DUOXA1: variants seen among roughly 807,000 people sequenced by gnomAD.
The protein encoded by DUOXA1 is dual oxidase maturation factor 1.
Under a neutral mutation model 26.6 loss-of-function variants are expected in DUOXA1, and 19 were observed. That is an observed-to-expected ratio of 0.71 (90% CI 0.50 to 1.05). The LOEUF (loss-of-function observed/expected upper bound fraction) is 1.05, where lower values mean the gene tolerates loss of function less well. Among genes scored for constraint, DUOXA1 ranks in the 50% least tolerant of loss-of-function variants. The probability of loss-of-function intolerance (pLI) is 0.00; values close to 1 mark genes in which losing one functional copy is unlikely to be tolerated. For missense variants in DUOXA1, 403 were observed against 427.5 expected (o/e 0.94, Z 0.51); for synonymous variants, 166 against 177.0 (o/e 0.94, Z 0.49).
chr15:45,120,118 T>G lies in DUOXA1; in HGVS notation c.757A>C (p.Ile253Leu). Residue 253 changes from isoleucine (I) to leucine (L), a missense_variant, in exon 8 of 9, where the codon ATC (isoleucine) becomes CTC (leucine). Physicochemically the swap from Ile to Leu is conservative, Grantham distance 5. Coordinates refer to ENST00000560572, the MANE Select transcript of DUOXA1 (RefSeq NM_001276266.2). ...TGGGTCTTACCTGTGGTCAATGTGATCCAGAAGGCAGGCCCATGGTGAGTA... is the reference window on the plus strand; with the variant it reads ...TGGGTCTTACCTGTGGTCAATGTGAGCCAGAAGGCAGGCCCATGGTGAGTA... ...LHTHHGPAFWITLTTGLLCVL... is the reference protein window; with the variant it reads ...LHTHHGPAFWLTLTTGLLCVL... 6.2e-7 allele frequency: 1 copy of G among 1,613,876 alleles called. No individual in the cohort carries two copies. Among genetic ancestry groups the G allele is most frequent in the Non-Finnish European group, 8.5e-7 (1 of 1,179,986 alleles).
At chr15:45,128,672 C>T (rs1354037724) in intron 3 of DUOXA1, among the ~76,000 whole-genome samples, 2 of 152,150 alleles carry the variant, frequency 1.3e-5, no homozygotes, top group African/African-American at 4.8e-5. Context: ...GGATTGGAGG[C>T]AGGATTCCCC....
Position 45,122,255 on chromosome 15 carries a change from G to A in DUOXA1, c.148-13C>T, listed in dbSNP as rs906504807. On this transcript the variant is annotated splice_polypyrimidine_tract_variant and intron_variant, in intron 4 of 8. Coordinates refer to ENST00000560572, the MANE Select transcript of DUOXA1 (RefSeq NM_001276266.2). ...GCCAGAACAGCCTCTGAGTCACAAG[G>A]TAGGTGGGTTAAGTAAAGAGTGCCT... 5.0e-6 allele frequency: 8 copies of A among 1,598,534 alleles called. No homozygotes were observed. Among genetic ancestry groups the A allele is most frequent in the Non-Finnish European group, 6.8e-6 (8 of 1,172,086 alleles).
Position 45,128,134 on chromosome 15 carries a change from A to G in DUOXA1, c.-30+884T>C, listed in dbSNP as rs76982749. ...TATGCTCAATCTTATTATAGACACA[A>G]TTACCCAATCCTTACCTACCACAGG... On this transcript the variant is annotated intron_variant, in intron 3 of 8. Coordinates refer to ENST00000560572, the MANE Select transcript of DUOXA1 (RefSeq NM_001276266.2). 2.7e-3 allele frequency among the ~76,000 whole-genome samples: 408 copies of G among 152,276 alleles called. 3 individuals carry two copies. The highest frequency in any genetic ancestry group is 9.3e-3 in the African/African-American group (386 of 41,554).
Position 45,118,540 on chromosome 15 carries a change from T to C in DUOXA1, c.*566A>G, listed in dbSNP as rs1894845499. On this transcript the variant is annotated 3_prime_UTR_variant, in exon 9 of 9. Coordinates refer to ENST00000560572, the MANE Select transcript of DUOXA1 (RefSeq NM_001276266.2). ...GTCTTGCAATCTTATGTAGCAAATT[T>C]GGGAACTGAAGCTCAAAGAGAATGT... The C allele has an allele frequency of 1.0e-6, 1 of 992,472 alleles. No individual in the cohort carries two copies. The highest frequency in any genetic ancestry group is 5.9e-5 in the Admixed American group (1 of 16,940). The allele number at this position is 992,472 out of a possible 1,614,324, so 61.5% of individuals were successfully genotyped here. A position where few individuals can be genotyped will look rare whatever the true frequency, so the allele number is the denominator to read the frequency against.
intron 3 of DUOXA1, among the ~76,000 whole-genome samples, chr15:45,123,666 C>T (rs140423728): frequency 7.2e-5 from 11 of 152,346 alleles, no homozygotes; most frequent in African/African-American, 2.4e-4. Context: ...CTGAGTTCAC[C>T]TAAATAAGCA....
At position 45,121,820 on chromosome 15, in the gene DUOXA1, C is replaced by G. The variant is rs572532991; in HGVS notation, c.205+365G>C. Reference sequence around the variant, plus strand: ...GCATGAGCCACTGTGCCCGGCCTCACGGAGACTTTCATCTCTCCTATTTGC... The same window carrying G: ...GCATGAGCCACTGTGCCCGGCCTCAGGGAGACTTTCATCTCTCCTATTTGC... On this transcript the variant is annotated intron_variant, in intron 5 of 8. Coordinates refer to ENST00000560572, the MANE Select transcript of DUOXA1 (RefSeq NM_001276266.2). Among the ~76,000 whole-genome samples, 4 of 152,322 alleles carry G rather than the reference C, an allele frequency of 2.6e-5. No individual in the cohort carries two copies. The East Asian group carries it at 5.8e-4, about 22-fold the overall frequency.
intron 6 of DUOXA1, 49 bp from the exon 7 acceptor site, chr15:45,120,854 G>C (rs1895129907): frequency 6.3e-7 from 1 of 1,598,602 alleles, no homozygotes; most frequent in Non-Finnish European, 8.6e-7. Flanking sequence ...GGCCAGAGTG[G>C]GGCCTAGGTA....
At position 45,120,107 on chromosome 15, in the gene DUOXA1, G is replaced by T. The variant is rs1895028430; in HGVS notation, c.768C>A (p.Thr256=). 3.1e-6 allele frequency: 5 copies of T among 1,613,696 alleles called. No individual in the cohort carries two copies. The highest frequency in any genetic ancestry group is 4.2e-6 in the Non-Finnish European group (5 of 1,179,982). Residue 256 remains threonine, a synonymous_variant, in exon 8 of 9, where the codon ACC becomes ACA. Coordinates refer to ENST00000560572, the MANE Select transcript of DUOXA1 (RefSeq NM_001276266.2). ...GTCTTTAGGGCTGGGTCTTACCTGT[G>T]GTCAATGTGATCCAGAAGGCAGGCC... ...HHGPAFWITL[T]TGLLCVLLGL...
At chr15:45,123,757 C>T (rs972935828) in intron 3 of DUOXA1, among the ~76,000 whole-genome samples, 1 of 152,240 alleles carries the variant, frequency 6.6e-6, no homozygotes, top group Non-Finnish European at 1.5e-5. Flanking sequence ...AATGGCCCTT[C>T]TCTTTGATTC....
intron 3 of DUOXA1, 78 bp downstream of exon 3, chr15:45,128,940 C>T (rs1042329663): frequency 6.6e-6 from 1 of 152,162 alleles, no homozygotes; most frequent in African/African-American, 2.4e-5. Context: ...CTTCAAGACC[C>T]CCTCCAAAAT....
At chr15:45,122,765 C>A in intron 4 of DUOXA1, 103 bp downstream of exon 4, 1 of 1,403,398 alleles carries the variant, frequency 7.1e-7, no homozygotes, top group South Asian at 1.5e-5. Context: ...TTTCTCCGCA[C>A]TGGGGTCTCC....
Position 45,121,100 on chromosome 15 carries a change from G to A in DUOXA1, c.327C>T (p.Asn109=), listed in dbSNP as rs937653467. Residue 109 remains asparagine (N), a synonymous_variant, in exon 6 of 9, where the codon AAC becomes AAT. Transcript: ENST00000560572. The part of the protein sequence containing the change: ...IGLQVGLGGV[N]ITLTGTPVQQ... ...GCCCTCCCTCACCTGTGAGTGTGATGTTGACTCCACCCAGCCCGACCTGCA... is the reference window on the plus strand; with the variant it reads ...GCCCTCCCTCACCTGTGAGTGTGATATTGACTCCACCCAGCCCGACCTGCA... 1 of 1,614,150 alleles carries A rather than the reference G, an allele frequency of 6.2e-7. No homozygotes were observed. The highest frequency in any genetic ancestry group is 8.5e-7 in the Non-Finnish European group (1 of 1,180,014).
chr15:45,120,083 T>G lies in DUOXA1; in HGVS notation c.772+20A>C. The G allele has an allele frequency of 6.2e-7, 1 of 1,613,278 alleles. No homozygotes were observed. Among genetic ancestry groups the G allele is most frequent in the Non-Finnish European group, 8.5e-7 (1 of 1,179,774 alleles). On this transcript the variant is annotated intron_variant, in intron 8 of 8. Transcript: ENST00000560572. ...CTGGCCTTGAGACTTCTAGTGCTTG[T>G]CTTTAGGGCTGGGTCTTACCTGTGG...
In DUOXA1 at chr15:45,118,368, C is replaced by G; in HGVS notation, c.*738G>C. 2 of 1,122,706 alleles carry G rather than the reference C, an allele frequency of 1.8e-6. No homozygotes were observed. Among genetic ancestry groups the G allele is most frequent in the Non-Finnish European group, 2.2e-6 (2 of 916,846 alleles). The allele number at this position is 1,122,706 out of a possible 1,614,324, so 69.5% of individuals were successfully genotyped here. On this transcript the variant is annotated 3_prime_UTR_variant, in exon 9 of 9. Coordinates refer to ENST00000560572, the MANE Select transcript of DUOXA1 (RefSeq NM_001276266.2). ...CCACTCCCCCGTCCTGGATGCCACT[C>G]AGCTAGCCCAGCTGAGTGGGGTGGG...
chr15:45,121,060 C>T, intron 6 of DUOXA1, 27 bp downstream of exon 6: 2 of 1,613,820 alleles, frequency 1.2e-6, no homozygotes, highest in Non-Finnish European at 1.7e-6. Flanking sequence ...GCCTTCCCCC[C>T]CACCACAGGT....
At chr15:45,125,422 T>G (rs147985771) in intron 3 of DUOXA1, among the ~76,000 whole-genome samples, 85 of 152,302 alleles carry the variant, frequency 5.6e-4, no homozygotes, top group African/African-American at 1.9e-3. Context: ...TCCCTTGATC[T>G]TCTTGGTCCC....
intron 3 of DUOXA1, among the ~76,000 whole-genome samples, chr15:45,125,347 G>A (rs1895590274): frequency 6.6e-6 from 1 of 151,876 alleles, no homozygotes; most frequent in Non-Finnish European, 1.5e-5. Context: ...TTCTCTGCTG[G>A]CTCCTTCTCT....
chr15:45,121,080 C>T lies in DUOXA1; in HGVS notation c.340+7G>A. ...CCCCCCCACCACAGGTAAGAGCCCT[C>T]CCTCACCTGTGAGTGTGATGTTGAC... On this transcript the variant is annotated splice_region_variant and intron_variant, in intron 6 of 8. Transcript: ENST00000560572. 1 of 1,614,176 alleles carries T rather than the reference C, an allele frequency of 6.2e-7. No individual in the cohort carries two copies. Among genetic ancestry groups the T allele is most frequent in the Non-Finnish European group, 8.5e-7 (1 of 1,180,018 alleles).
Position 45,122,169 on chromosome 15 carries a change from T to C in DUOXA1, c.205+16A>G, listed in dbSNP as rs1566992968. On this transcript the variant is annotated intron_variant, in intron 5 of 8. Coordinates refer to ENST00000560572, the MANE Select transcript of DUOXA1 (RefSeq NM_001276266.2). Reference sequence around the variant, plus strand: ...GATGGAGGCAGCAGCCCAAGTCAGCTGCACTTCGCACTCACCCAGGATTGC... The same window carrying C: ...GATGGAGGCAGCAGCCCAAGTCAGCCGCACTTCGCACTCACCCAGGATTGC... 2.6e-5 allele frequency: 42 copies of C among 1,591,496 alleles called. No individual in the cohort carries two copies. The highest frequency in any genetic ancestry group is 3.6e-5 in the Non-Finnish European group (42 of 1,168,322).
Sources: gnomAD v4.1 joint callset for allele counts (sites outside exome capture counted in the v4.1 genomes callset) on GRCh38, gnomAD v4.1.1 for gene constraint, MANE v1.5 for transcripts, NCBI Gene and HGNC (gene_info 2026-07-23, HGNC 2026-07-21) for gene names.